KLK5: variants seen among roughly 807,000 people sequenced by gnomAD.
KLK5 encodes kallikrein related peptidase 5.
A neutral mutation model predicts 24.0 loss-of-function variants in KLK5; 18 were observed. The observed-to-expected ratio is 0.75, with a 90% confidence interval of 0.52 to 1.11. The LOEUF is 1.11. KLK5 is among the 50% of genes most tolerant of loss of function. KLK5 has a pLI of 0.00. For missense variants in KLK5, 374 were observed against 379.2 expected (o/e 0.99, Z 0.11); for synonymous variants, 140 against 154.0 (o/e 0.91, Z 0.67).
intron 3 of KLK5, among the ~76,000 whole-genome samples, chr19:50,949,440 A>T (rs1004643048): frequency 4.0e-5 from 6 of 150,308 alleles, no homozygotes; most frequent in Admixed American, 3.3e-4. Context: ...TCTCAACCCT[A>T]TCTCCATGCT....
At chr19:50,949,138 C>T in intron 3 of KLK5, 23 bp from the exon 4 acceptor site, 1 of 1,605,598 alleles carries the variant, frequency 6.2e-7, no homozygotes, top group Non-Finnish European at 8.5e-7. Flanking sequence ...GGGCAGGTCA[C>T]CACCAACCCT....
intron 5 of KLK5, among the ~76,000 whole-genome samples, chr19:50,946,156 T>A (rs1387286357): frequency 1.3e-5 from 2 of 152,292 alleles, no homozygotes; most frequent in African/African-American, 4.8e-5. Flanking sequence ...AATTTCAACT[T>A]TCTTGTGGTT....
chr19:50,948,715 G>A lies in KLK5; in HGVS notation c.651C>T (p.Cys217=), dbSNP rs200214119. The A allele has an allele frequency of 1.4e-4, 233 of 1,614,128 alleles. 1 individual carries two copies. The highest frequency in any genetic ancestry group is 1.7e-4 in the Non-Finnish European group (200 of 1,180,030). ...CTATCTGTCTCGGGTAAGCATCCTC[G>A]CACCTTTTCTGACTTAGCACGCTGA... The part of the protein sequence containing the change: ...LNISVLSQKR[C]EDAYPRQIDD... Residue 217 remains cysteine (C), a synonymous_variant, in exon 5 of 6, where the codon TGC becomes TGT. Coordinates refer to ENST00000336334, the MANE Select transcript of KLK5 (RefSeq NM_012427.5).
In KLK5 at chr19:50,943,473, ATG is replaced by A. The variant is rs973437559; in HGVS notation, c.*156_*157del. 3.0e-6 allele frequency: 2 copies of A among 668,956 alleles called. No homozygotes were observed. Among genetic ancestry groups the A allele is most frequent in the Non-Finnish European group, 2.6e-6 (1 of 391,596 alleles). The allele number at this position is 668,956 out of a possible 1,614,324, so 41.4% of individuals were successfully genotyped here. On this transcript the variant is annotated 3_prime_UTR_variant, in exon 6 of 6. Coordinates refer to ENST00000336334, the MANE Select transcript of KLK5 (RefSeq NM_012427.5). ...CAACTAGAGAGACACGGTCAGCCCA[ATG>A]TGGGGGAAGCAGACCCTGAGTCCAG...
At position 50,947,800 on chromosome 19, in the gene KLK5, C is replaced by T. The variant is rs190200681; in HGVS notation, c.726+840G>A. The stretch of plus-strand genomic sequence containing the variant: ...CTGACATCTGTAACACGGAGTGCCC[C>T]TATTAGATATGGTATCTTTATGCAG... On this transcript the variant is annotated intron_variant, in intron 5 of 5. Transcript: ENST00000336334. The surrounding 1 kb of genome is among the most constrained non-coding windows in gnomAD (Gnocchi z 8.7). Among the ~76,000 whole-genome samples the T allele has an allele frequency of 2.9e-3, 443 of 152,310 alleles. 1 individual carries two copies. Among genetic ancestry groups the T allele is most frequent in the Non-Finnish European group, 5.4e-3 (365 of 68,024 alleles).
intron 2 of KLK5, among the ~76,000 whole-genome samples, chr19:50,951,725 T>C (rs1400900013): frequency 6.6e-6 from 1 of 152,106 alleles, no homozygotes; most frequent in Non-Finnish European, 1.5e-5. Flanking sequence ...TACAGCTCTG[T>C]CTCCAGGTAC....
In KLK5 at chr19:50,948,896, G is replaced by A. The variant is rs1163540218; in HGVS notation, c.555C>T (p.Cys185=). 3 of 1,614,010 alleles carry A rather than the reference G, an allele frequency of 1.9e-6. No individual in the cohort carries two copies. The stretch of plus-strand genomic sequence containing the variant: ...TGGTTGTCCCCCAGCCAGACACCAA[G>A]CACTTTGTCCCAGCAGAGGGACAAT... ...SSHCPSAGTK[C]LVSGWGTTKS... The change falls in exon 4 of 6, where the codon TGC becomes TGT. Residue 185 remains cysteine, a synonymous_variant. Transcript: ENST00000336334.
rs953128716 is a variant in KLK5, at chr19:50,950,291, A to T, written c.74-175T>A. 4.7e-6 allele frequency: 3 copies of T among 639,080 alleles called. No homozygotes were observed. In the African/African-American group the frequency reaches 5.5e-5, roughly 12 times the overall value. The allele number at this position is 639,080 out of a possible 1,614,324, so 39.6% of individuals were successfully genotyped here. A position where few individuals can be genotyped will look rare whatever the true frequency, so the allele number is the denominator to read the frequency against. ...CTCAAGCCCAGGCTCAAGCTCAAGG[A>T]CAGAGCCCAGGCTCAGGTAGGGTTA... On this transcript the variant is annotated intron_variant, in intron 2 of 5. Transcript: ENST00000336334.
rs986386776 is a variant in KLK5, at chr19:50,947,608, A to T, written c.726+1032T>A. On this transcript the variant is annotated intron_variant, in intron 5 of 5. Coordinates refer to ENST00000336334, the MANE Select transcript of KLK5 (RefSeq NM_012427.5). This position sits in a 1 kb window ranked among gnomAD's most constrained non-coding sequence, Gnocchi z 8.7. ...ACTTTGTTCCTCCAGCCCTTCCAGC[A>T]GCTTTGCAATTAATCCCCTGTATTA... 6.6e-6 allele frequency among the ~76,000 whole-genome samples: 1 copy of T among 152,242 alleles called. No individual in the cohort carries two copies. The highest frequency in any genetic ancestry group is 2.4e-5 in the African/African-American group (1 of 41,466).
At chr19:50,951,316 A>T (rs1311347848) in intron 2 of KLK5, among the ~76,000 whole-genome samples, 1 of 150,376 alleles carries the variant, frequency 6.6e-6, no homozygotes, top group African/African-American at 2.5e-5. Context: ...CTTGTTGCCC[A>T]GGCTGGAGTG....
chr19:50,949,958 G>A lies in KLK5; in HGVS notation c.232C>T (p.Gln78Ter). ...INGSDCDMHT[Q>*]PWQAALLLRP... Reference sequence around the variant, plus strand: ...AGCAACAGCGCGGCCTGCCACGGCTGGGTGTGCATATCGCAGTCGGATCCA... The same window carrying A: ...AGCAACAGCGCGGCCTGCCACGGCTAGGTGTGCATATCGCAGTCGGATCCA... Residue 78 changes from glutamine to a stop codon, truncating the protein, a stop_gained, in exon 3 of 6, where the codon CAG becomes TAG. Transcript: ENST00000336334. LOFTEE classifies it high-confidence loss of function. The A allele has an allele frequency of 6.2e-7, 1 of 1,613,822 alleles. No individual in the cohort carries two copies. The highest frequency in any genetic ancestry group is 1.1e-5 in the South Asian group (1 of 91,052).
rs1022668510 is a variant in KLK5, at chr19:50,947,203, T to C, written c.726+1437A>G. On this transcript the variant is annotated intron_variant, in intron 5 of 5. Transcript: ENST00000336334. This position sits in a 1 kb window ranked among gnomAD's most constrained non-coding sequence, Gnocchi z 8.7. ...TCCATTAGAACATAGGGAAGCTCTGTGTTGGTGACCAAGAAATACTTGCAG... is the reference window on the plus strand; with the variant it reads ...TCCATTAGAACATAGGGAAGCTCTGCGTTGGTGACCAAGAAATACTTGCAG... Among the ~76,000 whole-genome samples, 5 of 152,232 alleles carry C rather than the reference T, an allele frequency of 3.3e-5. No individual in the cohort carries two copies. Among genetic ancestry groups the C allele is most frequent in the East Asian group, 1.9e-4 (1 of 5,198 alleles).
At position 50,949,035 on chromosome 19, in the gene KLK5, G is replaced by T; in HGVS notation, c.416C>A (p.Ser139Tyr). The T allele has an allele frequency of 1.2e-6, 2 of 1,613,778 alleles. No homozygotes were observed. The highest frequency in any genetic ancestry group is 1.7e-6 in the Non-Finnish European group (2 of 1,179,892). ...GTGGGAGTAGCCAGGGTGGGGGATG[G>T]ATTTGACCCCCTGGAACATCTGCTG... ...SGQQMFQGVK[S>Y]IPHPGYSHPG... Residue 139 changes from serine to tyrosine, a missense_variant, in exon 4 of 6, where the codon TCC becomes TAC. Coordinates refer to ENST00000336334, the MANE Select transcript of KLK5 (RefSeq NM_012427.5).
chr19:50,952,474 G>A (rs948447226), intron 2 of KLK5, 111 bp downstream of exon 2: 38 of 666,716 alleles, frequency 5.7e-5, no homozygotes, highest in South Asian at 1.5e-4. Flanking sequence ...ACATTCACCC[G>A]GTCCCGGAGT....
At chr19:50,944,480 C>T (rs983275077) in intron 5 of KLK5, among the ~76,000 whole-genome samples, 1 of 152,114 alleles carries the variant, frequency 6.6e-6, no homozygotes, top group Non-Finnish European at 1.5e-5. Flanking sequence ...CTCTCCGCCT[C>T]CCTTTCTCTC....
At position 50,952,635 on chromosome 19, in the gene KLK5, CA is replaced by C. The variant is rs768024839; in HGVS notation, c.22del (p.Trp8GlyfsTer8). On this transcript the variant is annotated frameshift_variant, in exon 2 of 6. Coordinates refer to ENST00000336334, the MANE Select transcript of KLK5 (RefSeq NM_012427.5). LOFTEE classifies it high-confidence loss of function. ...GATCAGAGCACAGAGCACCCACATCCAGGGGGGTCTTGCTGTAGCCATGGCC... is the reference window on the plus strand; with the variant it reads ...GATCAGAGCACAGAGCACCCACATCCGGGGGGTCTTGCTGTAGCCATGGCC... MATARPP[W>X]MWVLCALITA... 1.2e-6 allele frequency: 2 copies of C among 1,603,524 alleles called. No individual in the cohort carries two copies. The highest frequency in any genetic ancestry group is 3.3e-4 in the Middle Eastern group (2 of 6,014).
chr19:50,943,650 G>A lies in KLK5; in HGVS notation c.863C>T (p.Thr288Ile). Residue 288 changes from threonine to isoleucine, a missense_variant, in exon 6 of 6, where the codon ACC becomes ATC. Coordinates refer to ENST00000336334, the MANE Select transcript of KLK5 (RefSeq NM_012427.5). ...GATGACTCAGGAGTTGGCCTGGATG[G>A]TTTCCTGGATCCACTTGGTGAACTT... ...LCKFTKWIQE[T>I]IQANS The A allele has an allele frequency of 6.2e-7, 1 of 1,613,974 alleles. No homozygotes were observed. The highest frequency in any genetic ancestry group is 1.6e-4 in the Middle Eastern group (1 of 6,062).
chr19:50,946,666 T>C (rs368520511), intron 5 of KLK5, among the ~76,000 whole-genome samples: 149 of 152,044 alleles, frequency 9.8e-4, no homozygotes, highest in African/African-American at 3.4e-3. Context: ...TTCAGGCCAT[T>C]CTCCTGCCTC....
chr19:50,951,809 G>C (rs998126063), intron 2 of KLK5, among the ~76,000 whole-genome samples: 3 of 152,114 alleles, frequency 2.0e-5, no homozygotes, highest in African/African-American at 7.2e-5. Context: ...CAGATGCCGT[G>C]TGTGCACAGA....
Sources: gnomAD v4.1 joint callset for allele counts (sites outside exome capture counted in the v4.1 genomes callset) on GRCh38, gnomAD v4.1.1 for gene constraint, Gnocchi (gnomAD v3.1) non-coding constraint, MANE v1.5 for transcripts, NCBI Gene and HGNC (gene_info 2026-07-23, HGNC 2026-07-21) for gene names.